Variants in CAMK1D observed in about 807,000 individuals in gnomAD.
The protein encoded by CAMK1D is calcium/calmodulin dependent protein kinase ID, also known as calcium/calmodulin-dependent protein kinase type 1D.
In CAMK1D, 9 loss-of-function variants were observed where a neutral mutation model predicts 47.7. That is an observed-to-expected ratio of 0.19 (90% CI 0.11 to 0.33). The LOEUF (loss-of-function observed/expected upper bound fraction) is 0.33. Among genes scored for constraint, CAMK1D ranks in the 10% least tolerant of loss-of-function variants. The pLI, the probability that CAMK1D is intolerant of heterozygous loss-of-function variation, is 1.00. For synonymous variants in CAMK1D, 184 were observed against 184.9 expected, an observed-to-expected ratio of 0.99 and a Z score of 0.04; for missense variants, 291 against 488.7, an observed-to-expected ratio of 0.60 and a Z score of 3.81.
intron 7 of CAMK1D, 108 bp from the exon 8 acceptor site, chr10:12,816,142 C>A: frequency 1.3e-6 from 1 of 793,702 alleles, no homozygotes; most frequent in East Asian, 2.6e-5. Flanking sequence ...GAGGGCTGGT[C>A]TCATATTTTT....
chr10:12,554,108 T>C (rs1170428275), intron 2 of CAMK1D, among the ~76,000 whole-genome samples: 1 of 151,782 alleles, frequency 6.6e-6, no homozygotes, highest in Non-Finnish European at 1.5e-5. Flanking sequence ...TTCTTTTTTT[T>C]ATTTCCTTTC....
intron 6 of CAMK1D, among the ~76,000 whole-genome samples, chr10:12,794,683 A>G (rs1291670692): frequency 2.6e-5 from 4 of 152,148 alleles, no homozygotes; most frequent in Admixed American, 2.6e-4. Context: ...ACACTGTCAG[A>G]CTTCAAGATG....
intron 1 of CAMK1D, among the ~76,000 whole-genome samples, chr10:12,404,293 C>A (rs1288631397): frequency 6.6e-6 from 1 of 152,188 alleles, no homozygotes; most frequent in Non-Finnish European, 1.5e-5. Flanking sequence ...GATCCGCCCA[C>A]CTTGGCCTCC....
chr10:12,748,064 C>T (rs1002648673), intron 3 of CAMK1D, among the ~76,000 whole-genome samples: 9 of 152,164 alleles, frequency 5.9e-5, no homozygotes, highest in Non-Finnish European at 1.2e-4. Flanking sequence ...ACCCTCACGG[C>T]GCCAGTCAGA....
chr10:12,737,898 A>G (rs1244191727), intron 3 of CAMK1D, among the ~76,000 whole-genome samples: 1 of 152,264 alleles, frequency 6.6e-6, no homozygotes, highest in Non-Finnish European at 1.5e-5. Context: ...ATACATCAAA[A>G]TAAATTCTAG....
At chr10:12,351,594 C>T (rs113557871) in intron 1 of CAMK1D, among the ~76,000 whole-genome samples, 2,425 of 152,316 alleles carry the variant, frequency 0.016, 66 homozygotes, top group African/African-American at 0.055. Context: ...CTGTAGCCTC[C>T]GGGTGACTGA....
At chr10:12,696,261 G>A (rs1833292385) in intron 3 of CAMK1D, among the ~76,000 whole-genome samples, 2 of 152,060 alleles carry the variant, frequency 1.3e-5, no homozygotes, top group Admixed American at 1.3e-4. Flanking sequence ...AATTGGCCAG[G>A]CCTGGTGGCT....
intron 2 of CAMK1D, among the ~76,000 whole-genome samples, chr10:12,644,535 C>T (rs745637451): frequency 3.0e-4 from 45 of 152,146 alleles, no homozygotes; most frequent in Non-Finnish European, 5.3e-4. Flanking sequence ...GTTTTCTCTC[C>T]CTGGTCACTG....
At chr10:12,706,843 C>T (rs1833744022) in intron 3 of CAMK1D, among the ~76,000 whole-genome samples, 2 of 152,032 alleles carry the variant, frequency 1.3e-5, no homozygotes, top group Admixed American at 1.3e-4. Context: ...TTGTGCTGTG[C>T]TCTTGGAACA....
intron 1 of CAMK1D, among the ~76,000 whole-genome samples, chr10:12,513,056 A>G (rs1222774957): frequency 1.3e-5 from 2 of 152,206 alleles, no homozygotes; most frequent in Admixed American, 6.5e-5. Context: ...GCCAGCTCAG[A>G]AGAGGAAATT....
chr10:12,782,710 C>T (rs112935854), intron 5 of CAMK1D, among the ~76,000 whole-genome samples: 6,603 of 152,218 alleles, frequency 0.043, 399 homozygotes, highest in African/African-American at 0.14. Context: ...GTGATCTGAG[C>T]GTCTAACCCT....
intron 2 of CAMK1D, among the ~76,000 whole-genome samples, chr10:12,594,345 A>G (rs1320296398): frequency 1.3e-5 from 2 of 152,234 alleles, no homozygotes; most frequent in African/African-American, 4.8e-5. Context: ...CTTTTATACA[A>G]AACAAGTTTG....
At chr10:12,450,740 C>T (rs986414156) in intron 1 of CAMK1D, among the ~76,000 whole-genome samples, 2 of 152,184 alleles carry the variant, frequency 1.3e-5, no homozygotes, top group Non-Finnish European at 2.9e-5. Flanking sequence ...TTGGACAGCC[C>T]TTTGCATTTA....
chr10:12,386,973 G>A (rs1255189356), intron 1 of CAMK1D, among the ~76,000 whole-genome samples: 2 of 152,036 alleles, frequency 1.3e-5, no homozygotes, highest in Admixed American at 6.6e-5. Context: ...AAGCTGAGGC[G>A]GGTGGATCAC....
chr10:12,500,741 T>G (rs1834676362), intron 1 of CAMK1D, among the ~76,000 whole-genome samples: 1 of 152,232 alleles, frequency 6.6e-6, no homozygotes, highest in Non-Finnish European at 1.5e-5. Flanking sequence ...TCCTTTTTAT[T>G]AGACATGAAG....
chr10:12,755,771 G>A (rs1836198947), intron 3 of CAMK1D, among the ~76,000 whole-genome samples: 1 of 152,082 alleles, frequency 6.6e-6, no homozygotes. Flanking sequence ...CTGCCTTCTG[G>A]ACCTTGGGGT....
At chr10:12,815,826 C>T (rs1832769874) in intron 7 of CAMK1D, among the ~76,000 whole-genome samples, 1 of 152,266 alleles carries the variant, frequency 6.6e-6, no homozygotes, top group Non-Finnish European at 1.5e-5. Flanking sequence ...TAGCCCAGGA[C>T]CTGATGGGCT....
intron 3 of CAMK1D, among the ~76,000 whole-genome samples, chr10:12,695,060 A>ATAGATAGG (rs1554811991): frequency 3.5e-5 from 3 of 85,914 alleles, no homozygotes; most frequent in African/African-American, 1.1e-4. Context: ...AGATAGATAG[A>ATAGATAGG]TAGATACATA....
intron 3 of CAMK1D, among the ~76,000 whole-genome samples, chr10:12,688,624 A>C (rs1422899592): frequency 6.6e-6 from 1 of 152,122 alleles, no homozygotes; most frequent in Non-Finnish European, 1.5e-5. Context: ...AATTTCCAAA[A>C]CGCTGGCAGC....
Sources: allele counts gnomAD v4.1 joint callset (sites outside exome capture counted in the v4.1 genomes callset), GRCh38; gene constraint gnomAD v4.1.1; transcripts MANE v1.5; gene names NCBI Gene and HGNC (gene_info 2026-07-23, HGNC 2026-07-21).